Variants in APBA1 observed in about 807,000 individuals in gnomAD.
APBA1 encodes amyloid beta precursor protein binding family A member 1, also known as amyloid-beta A4 precursor protein-binding family A member 1.
In APBA1, 55 loss-of-function variants were observed where a neutral mutation model predicts 86.6. The observed-to-expected ratio is 0.64, with a 90% confidence interval of 0.51 to 0.80. The LOEUF (loss-of-function observed/expected upper bound fraction) is 0.80. Among genes scored for constraint, APBA1 ranks in the 30% least tolerant of loss-of-function variants. The probability of loss-of-function intolerance (pLI) is 0.00; values close to 1 mark genes in which losing one functional copy is unlikely to be tolerated. For missense variants in APBA1, 1,090 were observed against 1,183.0 expected (o/e 0.92, Z 1.15); for synonymous variants, 511 against 493.9 (o/e 1.03, Z -0.46).
chr9:69,634,269 C>G (rs1325145967), intron 1 of APBA1, among the ~76,000 whole-genome samples: 1 of 152,136 alleles, frequency 6.6e-6, no homozygotes, highest in African/African-American at 2.4e-5. Context: ...CATTGAAACT[C>G]AGTGCTGCCT....
At chr9:69,658,659 C>G (rs1309736421) in intron 1 of APBA1, among the ~76,000 whole-genome samples, 1 of 151,612 alleles carries the variant, frequency 6.6e-6, no homozygotes, top group Non-Finnish European at 1.5e-5. Context: ...CCTGCCTTGG[C>G]CTCCTAAAAT....
intron 8 of APBA1, among the ~76,000 whole-genome samples, chr9:69,453,418 G>T (rs1314295867): frequency 6.6e-6 from 1 of 152,160 alleles, no homozygotes; most frequent in Non-Finnish European, 1.5e-5. Flanking sequence ...CTTCTACACT[G>T]GGTTTTGATA....
chr9:69,542,568 T>C (rs1288080825), intron 1 of APBA1, among the ~76,000 whole-genome samples: 1 of 152,216 alleles, frequency 6.6e-6, no homozygotes, highest in African/African-American at 2.4e-5. Context: ...CAATTATGAA[T>C]AAAGCTGCTA....
At chr9:69,602,976 C>G (rs1207131164) in intron 1 of APBA1, among the ~76,000 whole-genome samples, 1 of 152,192 alleles carries the variant, frequency 6.6e-6, no homozygotes. Context: ...CTTTTGGCAG[C>G]AAATCAACAT....
chr9:69,485,899 G>C (rs1835600621), intron 2 of APBA1, among the ~76,000 whole-genome samples: 2 of 151,978 alleles, frequency 1.3e-5, no homozygotes, highest in African/African-American at 4.8e-5. Flanking sequence ...AATGGAGCCA[G>C]AAGTGGGTAA....
At chr9:69,518,325 AAACC>A (rs1836200374) in intron 1 of APBA1, among the ~76,000 whole-genome samples, 1 of 152,174 alleles carries the variant, frequency 6.6e-6, no homozygotes, top group Admixed American at 6.6e-5. Context: ...TGGGGTCCTG[AAACC>A]AACCCCCATG....
At chr9:69,482,169 T>A (rs1180187542) in intron 2 of APBA1, among the ~76,000 whole-genome samples, 1 of 151,826 alleles carries the variant, frequency 6.6e-6, no homozygotes, top group African/African-American at 2.4e-5. Context: ...GAAACTACCA[T>A]CAGAGTGAAC....
Position 69,636,826 on chromosome 9 carries a change from AGAGAGGGAGGGAGGGAGG to A in APBA1, c.-70+35309_-70+35326del, listed in dbSNP as rs759462321. ...AGAAGAGAGAGAGAGAGAGAGAGAG[AGAGAGGGAGGGAGGGAGG>A]GAGGGAGGGAGGGAGGGAGGGAGAG... On this transcript the variant is annotated intron_variant, in intron 1 of 12. Transcript: ENST00000265381. Among the ~76,000 whole-genome samples the A allele has an allele frequency of 6.0e-3, 196 of 32,632 alleles. 26 individuals carry two copies. The highest frequency in any genetic ancestry group is 0.032 in the East Asian group (35 of 1,096). 21.4% of individuals were successfully genotyped at this position (32,632 alleles called of 152,430 possible).
chr9:69,545,206 G>A (rs1430193506), intron 1 of APBA1, among the ~76,000 whole-genome samples: 3 of 152,186 alleles, frequency 2.0e-5, no homozygotes, highest in African/African-American at 7.2e-5. Context: ...AACAAAATGG[G>A]CTTGATAGAT....
chr9:69,670,450 T>C (rs1175530993), intron 1 of APBA1, among the ~76,000 whole-genome samples: 2 of 152,194 alleles, frequency 1.3e-5, no homozygotes, highest in Admixed American at 1.3e-4. Flanking sequence ...TGCAGTAGAA[T>C]TTAAGGTGTT....
chr9:69,472,091 TCA>T (rs1835375348), intron 3 of APBA1, among the ~76,000 whole-genome samples: 1 of 152,214 alleles, frequency 6.6e-6, no homozygotes, highest in African/African-American at 2.4e-5. Context: ...AAGAATTCTC[TCA>T]GAGAAATTTA....
chr9:69,429,154 T>C lies in APBA1; in HGVS notation c.*2173A>G, dbSNP rs1202902485. 6.6e-6 allele frequency: 1 copy of C among 152,178 alleles called. No individual in the cohort carries two copies. The highest frequency in any genetic ancestry group is 1.5e-5 in the Non-Finnish European group (1 of 68,052). The allele number at this position is 152,178 out of a possible 1,614,324, so 9.4% of individuals were successfully genotyped here. A position where few individuals can be genotyped will look rare whatever the true frequency, so the allele number is the denominator to read the frequency against. On this transcript the variant is annotated 3_prime_UTR_variant, in exon 13 of 13. Transcript: ENST00000265381. ...CTAGGGACAGACAGGCATGGGCCCC[T>C]ACGATGATTTTCCAAGGCTCCTGAT...
intron 1 of APBA1, among the ~76,000 whole-genome samples, chr9:69,583,021 G>A (rs1463623702): frequency 2.6e-5 from 4 of 152,176 alleles, no homozygotes; most frequent in African/African-American, 9.7e-5. Flanking sequence ...TGTGTGTTCT[G>A]AGCTAAGGAA....
At chr9:69,557,700 G>A (rs1029603964) in intron 1 of APBA1, among the ~76,000 whole-genome samples, 7 of 152,208 alleles carry the variant, frequency 4.6e-5, no homozygotes, top group Non-Finnish European at 1.0e-4. Context: ...GTTCAAACCA[G>A]AAGCCATAGG....
chr9:69,576,313 T>A (rs1371386609), intron 1 of APBA1, among the ~76,000 whole-genome samples: 5 of 152,194 alleles, frequency 3.3e-5, no homozygotes, highest in Admixed American at 3.3e-4. Flanking sequence ...TTCCTCAGGA[T>A]CTAGAACTAG....
At chr9:69,540,146 A>ACAACAACAC (rs1836581743) in intron 1 of APBA1, among the ~76,000 whole-genome samples, 1 of 151,424 alleles carries the variant, frequency 6.6e-6, no homozygotes, top group Non-Finnish European at 1.5e-5. Flanking sequence ...AACAACAACA[A>ACAACAACAC]CAACAACAAC....
chr9:69,597,986 T>A (rs1289052762), intron 1 of APBA1, among the ~76,000 whole-genome samples: 1 of 151,840 alleles, frequency 6.6e-6, no homozygotes, highest in Non-Finnish European at 1.5e-5. Flanking sequence ...CATGCACACG[T>A]ATGTTTATTG....
chr9:69,669,358 CAACAA>C (rs891148401), intron 1 of APBA1, among the ~76,000 whole-genome samples: 15 of 151,840 alleles, frequency 9.9e-5, no homozygotes, highest in Non-Finnish European at 1.9e-4. Context: ...AACACAATAA[CAACAA>C]AACAAAACAA....
intron 1 of APBA1, among the ~76,000 whole-genome samples, chr9:69,619,537 G>A (rs543389408): frequency 6.6e-6 from 1 of 152,192 alleles, no homozygotes; most frequent in East Asian, 1.9e-4. Context: ...TATGCAGATG[G>A]GCTCTGCCAA....
Sources: gnomAD v4.1 joint callset for allele counts (sites outside exome capture counted in the v4.1 genomes callset) on GRCh38, gnomAD v4.1.1 for gene constraint, MANE v1.5 for transcripts, NCBI Gene and HGNC (gene_info 2026-07-23, HGNC 2026-07-21) for gene names.